Variants in SUPV3L1 observed in about 807,000 individuals in gnomAD.
SUPV3L1 encodes the protein Suv3 like RNA helicase.
SUPV3L1 carries 35 observed loss-of-function variants against 70.0 expected under a neutral mutation model. The observed-to-expected ratio is 0.50, with a 90% CI of 0.38 to 0.66. The LOEUF is 0.66. SUPV3L1 is among the 30% of genes least tolerant of loss of function. The pLI is 0.00. For missense variants in SUPV3L1, 777 were observed against 961.5 expected, an observed-to-expected ratio of 0.81 and a Z score of 2.54; for synonymous variants, 364 against 341.9, an observed-to-expected ratio of 1.06 and a Z score of -0.71.
At chr10:69,207,278 C>G (rs969163990) in intron 13 of SUPV3L1, among the ~76,000 whole-genome samples, 11 of 152,036 alleles carry the variant, frequency 7.2e-5, no homozygotes, top group African/African-American at 2.7e-4. Context: ...TGAACTTCTG[C>G]TGCACATATT....
At chr10:69,202,816 C>A (rs773477262) in intron 12 of SUPV3L1, 51 bp from the exon 13 acceptor site, 2 of 1,526,948 alleles carry the variant, frequency 1.3e-6, no homozygotes, top group South Asian at 2.5e-5. Flanking sequence ...ATTCATTGTT[C>A]ATTTTAATTC....
At chr10:69,184,905 C>CATAGT (rs1204001363) in intron 1 of SUPV3L1, among the ~76,000 whole-genome samples, 8 of 152,188 alleles carry the variant, frequency 5.3e-5, no homozygotes, top group African/African-American at 1.9e-4. Flanking sequence ...CCTAGAAATA[C>CATAGT]ATAGTGTGTG....
At position 69,189,431 on chromosome 10, in the gene SUPV3L1, C is replaced by A. The variant is rs764558841; in HGVS notation, c.737C>A (p.Ala246Asp). 1 of 1,607,008 alleles carries A rather than the reference C, an allele frequency of 6.2e-7. No homozygotes were observed. Among genetic ancestry groups the A allele is most frequent in the African/African-American group, 1.3e-5 (1 of 74,736 alleles). The change falls in exon 5 of 15, where the codon GCT (alanine) becomes GAT (aspartate). Residue 246 changes from alanine (A) to aspartate (D), a missense_variant. Ala to Asp is a moderately radical substitution (Grantham distance 126). Coordinates refer to ENST00000359655, the MANE Select transcript of SUPV3L1 (RefSeq NM_003171.5). ...CATGAGATCTTCGAAAAGAGTAATG[C>A]TGCTGTCAGTATATTACCAAATATT... ...LAHEIFEKSN[A>D]AGVPCDLVTG...
chr10:69,194,192 G>A (rs1842475487), intron 6 of SUPV3L1, among the ~76,000 whole-genome samples: 1 of 152,178 alleles, frequency 6.6e-6, no homozygotes, highest in African/African-American at 2.4e-5. Context: ...GTGGGAGGCA[G>A]TGTGGTAGAG....
chr10:69,181,764 T>C (rs901160487), intron 1 of SUPV3L1, among the ~76,000 whole-genome samples: 1 of 152,178 alleles, frequency 6.6e-6, no homozygotes, highest in African/African-American at 2.4e-5. Context: ...CCTGTGATAA[T>C]GGCATTAATC....
chr10:69,185,194 G>A (rs1842185014), intron 1 of SUPV3L1, among the ~76,000 whole-genome samples: 1 of 152,140 alleles, frequency 6.6e-6, no homozygotes, highest in Admixed American at 6.5e-5. Context: ...TGCTCCCACT[G>A]ACTTTAGTTA....
At chr10:69,187,498 G>A (rs914320499) in intron 3 of SUPV3L1, 144 bp from the exon 4 acceptor site, 5 of 549,214 alleles carry the variant, frequency 9.1e-6, no homozygotes, top group African/African-American at 5.8e-5. Flanking sequence ...GATTGTTGAC[G>A]TGAGCTACTG....
At position 69,186,802 on chromosome 10, in the gene SUPV3L1, C is replaced by T. The variant is rs572629239; in HGVS notation, c.457+252C>T. Reference sequence around the variant, plus strand: ...TGGGGCCCAGTGAAATAAGCTCTCACACAAGTTGGAATTAGTGCATAGCAG... The same window carrying T: ...TGGGGCCCAGTGAAATAAGCTCTCATACAAGTTGGAATTAGTGCATAGCAG... On this transcript the variant is annotated intron_variant, in intron 3 of 14. Coordinates refer to ENST00000359655, the MANE Select transcript of SUPV3L1 (RefSeq NM_003171.5). Among the ~76,000 whole-genome samples the T allele has an allele frequency of 2.4e-4, 37 of 152,210 alleles. 2 individuals are homozygous for T. Among genetic ancestry groups the T allele is most frequent in the African/African-American group, 8.4e-4 (35 of 41,514 alleles).
intron 1 of SUPV3L1, chr10:69,182,722 T>C: frequency 1.0e-6 from 1 of 975,778 alleles, no homozygotes. Context: ...TTTTTCAGCA[T>C]GGCAGGAGGG....
At chr10:69,197,368 A>G (rs1292107506) in intron 8 of SUPV3L1, among the ~76,000 whole-genome samples, 2 of 151,810 alleles carry the variant, frequency 1.3e-5, no homozygotes, top group African/African-American at 4.8e-5. Context: ...TAAATAAATC[A>G]GTACTCTTAG....
chr10:69,191,512 C>T (rs1842397085), intron 5 of SUPV3L1, 143 bp from the exon 6 acceptor site: 1 of 651,502 alleles, frequency 1.5e-6, no homozygotes, highest in East Asian at 3.0e-5. Context: ...CAGGCATGAG[C>T]CACCGTGTCT....
chr10:69,193,837 A>C (rs1279969389), intron 6 of SUPV3L1, among the ~76,000 whole-genome samples: 1 of 152,246 alleles, frequency 6.6e-6, no homozygotes, highest in Non-Finnish European at 1.5e-5. Context: ...AAAGTAAAAT[A>C]TAATATATGA....
chr10:69,189,613 A>T (rs2132276123), intron 5 of SUPV3L1, among the ~76,000 whole-genome samples, 178 bp downstream of exon 5: 1 of 150,774 alleles, frequency 6.6e-6, no homozygotes, highest in South Asian at 2.1e-4. Flanking sequence ...AAAGAAAAAG[A>T]TGCTACCAAC....
chr10:69,181,563 G>C (rs1485275500), intron 1 of SUPV3L1, among the ~76,000 whole-genome samples: 1 of 152,092 alleles, frequency 6.6e-6, no homozygotes, highest in East Asian at 1.9e-4. Flanking sequence ...TTTATTTTCT[G>C]CTGTTATAAC....
intron 10 of SUPV3L1, 60 bp from the exon 11 acceptor site, chr10:69,200,220 G>C (rs1486004927): frequency 1.4e-6 from 2 of 1,398,484 alleles, no homozygotes; most frequent in Non-Finnish European, 2.0e-6. Flanking sequence ...ATTATGCAAT[G>C]ACCCAAGTAT....
intron 1 of SUPV3L1, among the ~76,000 whole-genome samples, chr10:69,181,796 C>T (rs1398354748): frequency 2.6e-5 from 4 of 152,146 alleles, no homozygotes; most frequent in Non-Finnish European, 5.9e-5. Flanking sequence ...GCAAACTCCT[C>T]ATGTCCTAAT....
At chr10:69,187,812 G>A (rs770199185) in intron 4 of SUPV3L1, 56 bp downstream of exon 4, 4 of 1,168,478 alleles carry the variant, frequency 3.4e-6, no homozygotes, top group East Asian at 4.9e-5. Context: ...TGGATGATTC[G>A]TGGTCATTAT....
At position 69,196,220 on chromosome 10, in the gene SUPV3L1, G is replaced by A. The variant is rs183603056; in HGVS notation, c.932-772G>A. 6.6e-5 allele frequency among the ~76,000 whole-genome samples: 10 copies of A among 152,154 alleles called. No homozygotes were observed. In the South Asian group the frequency reaches 8.3e-4, roughly 13 times the overall value. ...CAAATAGCTGAACTTGGCTGGGTGC[G>A]GTGGCTCACGCCTGTAATCCCAGCA... On this transcript the variant is annotated intron_variant, in intron 7 of 14. Transcript: ENST00000359655.
At chr10:69,190,213 A>G (rs2132277441) in intron 5 of SUPV3L1, among the ~76,000 whole-genome samples, 1 of 152,166 alleles carries the variant, frequency 6.6e-6, no homozygotes, top group East Asian at 1.9e-4. Context: ...GTTAAGCACT[A>G]CTCTATGATA....
Sources: gnomAD v4.1 joint callset for allele counts (sites outside exome capture counted in the v4.1 genomes callset) on GRCh38, gnomAD v4.1.1 for gene constraint, MANE v1.5 for transcripts, NCBI Gene and HGNC (gene_info 2026-07-23, HGNC 2026-07-21) for gene names.